Variants in PCSK2 observed in about 807,000 individuals in gnomAD.
PCSK2 encodes neuroendocrine convertase 2.
Under a neutral mutation model 69.7 loss-of-function variants are expected in PCSK2, and 14 were observed. The ratio of observed to expected loss-of-function variants is 0.20; its 90% CI spans 0.13 to 0.31. The LOEUF (loss-of-function observed/expected upper bound fraction) is 0.31. Among genes scored for constraint, PCSK2 ranks in the 10% least tolerant of loss-of-function variants. PCSK2 has a pLI of 1.00. For synonymous variants in PCSK2, 307 were observed against 320.7 expected (o/e 0.96, Z 0.46); for missense variants, 544 against 842.5 (o/e 0.65, Z 4.39).
intron 2 of PCSK2, among the ~76,000 whole-genome samples, chr20:17,307,581 G>A (rs1026606442): frequency 3.3e-5 from 5 of 152,186 alleles, no homozygotes; most frequent in African/African-American, 1.2e-4. Context: ...ATGTTGCTTT[G>A]GCAAACTTGA....
chr20:17,359,230 A>C lies in PCSK2; in HGVS notation c.396+790A>C, dbSNP rs115697095. Among the ~76,000 whole-genome samples, 1,406 of 152,350 alleles carry C rather than the reference A, an allele frequency of 9.2e-3. 21 individuals carry two copies. Among genetic ancestry groups the C allele is most frequent in the African/African-American group, 0.031 (1,282 of 41,590 alleles). ...GTGGACGGCTACATTACAGGAATTC[A>C]TCACAATTTCCCTTCTGGGGCTTCA... On this transcript the variant is annotated intron_variant, in intron 3 of 11. Transcript: ENST00000262545.
intron 2 of PCSK2, among the ~76,000 whole-genome samples, chr20:17,266,193 T>C (rs976566896): frequency 2.6e-5 from 4 of 152,190 alleles, no homozygotes; most frequent in African/African-American, 7.2e-5. Context: ...GAGCTCACTG[T>C]TCTGCTCAAT....
At chr20:17,259,834 C>T (rs1206841908) in intron 1 of PCSK2, among the ~76,000 whole-genome samples, 1 of 152,078 alleles carries the variant, frequency 6.6e-6, no homozygotes, top group African/African-American at 2.4e-5. Flanking sequence ...GACATGACTA[C>T]AAAACATCGC....
intron 2 of PCSK2, among the ~76,000 whole-genome samples, chr20:17,294,272 T>A (rs1435666283): frequency 1.1e-5 from 1 of 92,312 alleles, no homozygotes; most frequent in African/African-American, 3.7e-5. Context: ...GCCCGGCTAA[T>A]TTTTTTTGTA....
chr20:17,261,262 G>C (rs1441716640), intron 2 of PCSK2, among the ~76,000 whole-genome samples: 114 of 152,154 alleles, frequency 7.5e-4, no homozygotes, highest in Admixed American at 7.3e-3. Context: ...GACTCTCAGG[G>C]ACCAGCTGAT....
chr20:17,303,686 C>T (rs1416316330), intron 2 of PCSK2, among the ~76,000 whole-genome samples: 1 of 146,418 alleles, frequency 6.8e-6, no homozygotes, highest in Non-Finnish European at 1.5e-5. Flanking sequence ...AAGAGATTCT[C>T]TTGCCTCAGC....
chr20:17,368,298 T>C (rs1227001339), intron 4 of PCSK2, among the ~76,000 whole-genome samples: 1 of 152,146 alleles, frequency 6.6e-6, no homozygotes, highest in African/African-American at 2.4e-5. Context: ...TCTTTAGTCC[T>C]TACATTGTTC....
intron 2 of PCSK2, among the ~76,000 whole-genome samples, chr20:17,357,230 A>T (rs1461786129): frequency 6.6e-6 from 1 of 152,182 alleles, no homozygotes; most frequent in East Asian, 1.9e-4. Context: ...TTGCATTTAC[A>T]TCCAAGAGCT....
upstream of PCSK2, among the ~76,000 whole-genome samples, chr20:17,226,693 G>T (rs1845157051): frequency 6.6e-6 from 1 of 151,756 alleles, no homozygotes; most frequent in South Asian, 2.1e-4. Flanking sequence ...ACATCACTCC[G>T]CCGCCGCTGG....
At chr20:17,319,601 C>T (rs1381316314) in intron 2 of PCSK2, among the ~76,000 whole-genome samples, 1 of 151,970 alleles carries the variant, frequency 6.6e-6, no homozygotes, top group Non-Finnish European at 1.5e-5. Flanking sequence ...AGCATGTTTA[C>T]TATATTCCAC....
At chr20:17,262,722 G>A (rs569980625) in intron 2 of PCSK2, among the ~76,000 whole-genome samples, 4 of 152,174 alleles carry the variant, frequency 2.6e-5, no homozygotes, top group East Asian at 3.9e-4. Flanking sequence ...CCAATTTGGG[G>A]GTTCTCAAAC....
At chr20:17,366,439 G>A (rs915144406) in intron 4 of PCSK2, among the ~76,000 whole-genome samples, 3 of 152,168 alleles carry the variant, frequency 2.0e-5, no homozygotes, top group Non-Finnish European at 4.4e-5. Context: ...TACAGCTCAG[G>A]TTCTACGTCT....
chr20:17,355,506 A>G (rs978505108), intron 2 of PCSK2, among the ~76,000 whole-genome samples: 6 of 152,208 alleles, frequency 3.9e-5, no homozygotes, highest in African/African-American at 1.4e-4. Flanking sequence ...CTTCTTTCCC[A>G]AGTGCAAGAG....
At chr20:17,255,632 C>A (rs1054813932) in intron 1 of PCSK2, among the ~76,000 whole-genome samples, 1 of 152,182 alleles carries the variant, frequency 6.6e-6, no homozygotes, top group South Asian at 2.1e-4. Flanking sequence ...TGAGCCACCG[C>A]ACCCAGCCTT....
intron 2 of PCSK2, among the ~76,000 whole-genome samples, chr20:17,320,329 G>A (rs769564155): frequency 5.3e-5 from 8 of 152,132 alleles, no homozygotes; most frequent in Admixed American, 3.9e-4. Context: ...AGGGAGACTC[G>A]TTCCCTTGGT....
intron 2 of PCSK2, among the ~76,000 whole-genome samples, chr20:17,321,006 G>A (rs747862731): frequency 8.5e-5 from 13 of 152,232 alleles, no homozygotes; most frequent in South Asian, 4.1e-4. Flanking sequence ...CAGCCCTGTC[G>A]GTTATTTCTG....
At chr20:17,392,216 T>C (rs957640112) in intron 5 of PCSK2, among the ~76,000 whole-genome samples, 4 of 152,182 alleles carry the variant, frequency 2.6e-5, no homozygotes, top group Non-Finnish European at 4.4e-5. Context: ...TGTGATGAAA[T>C]GACCTGACAG....
At chr20:17,251,965 CA>C (rs1297234468) in intron 1 of PCSK2, among the ~76,000 whole-genome samples, 2 of 152,216 alleles carry the variant, frequency 1.3e-5, no homozygotes, top group Non-Finnish European at 2.9e-5. Flanking sequence ...AAGCACTACA[CA>C]TGCTTCTCAA....
chr20:17,271,911 AAC>A (rs1206041062), intron 2 of PCSK2, among the ~76,000 whole-genome samples: 6 of 152,136 alleles, frequency 3.9e-5, no homozygotes, highest in African/African-American at 1.4e-4. Flanking sequence ...GACAGGATGA[AAC>A]CTGATAGAAC....
Sources: gnomAD v4.1 joint callset for allele counts (sites outside exome capture counted in the v4.1 genomes callset) on GRCh38, gnomAD v4.1.1 for gene constraint, MANE v1.5 for transcripts, NCBI Gene and HGNC (gene_info 2026-07-23, HGNC 2026-07-21) for gene names.